The following NUFIP1 variants were observed in gnomAD, a reference collection of about 807,000 sequenced individuals.
NUFIP1 encodes the protein nuclear FMR1 interacting protein 1, also known as FMR1-interacting protein NUFIP1.
NUFIP1 carries 38 observed loss-of-function variants against 56.2 expected under a neutral mutation model. The observed-to-expected ratio is 0.68, with a 90% CI of 0.52 to 0.89. The LOEUF is 0.89. Among genes scored for constraint, NUFIP1 ranks in the 40% least tolerant of loss-of-function variants. The pLI, the probability that NUFIP1 is intolerant of heterozygous loss-of-function variation, is 0.00. For missense variants in NUFIP1, 567 were observed against 605.8 expected (o/e 0.94, Z 0.67); for synonymous variants, 215 against 212.4 (o/e 1.01, Z -0.10).
Position 44,942,111 on chromosome 13 carries a change from G to A in NUFIP1, c.1372-789C>T, listed in dbSNP as rs142318664. ...TTCTTTAATCTAAAATTATGTCAAA[G>A]AGGATTGCCCAAACCCAAATTCATA... On this transcript the variant is annotated intron_variant, in intron 9 of 9. Coordinates refer to ENST00000379161, the MANE Select transcript of NUFIP1 (RefSeq NM_012345.3). Among the ~76,000 whole-genome samples, 856 of 152,286 alleles carry A rather than the reference G, an allele frequency of 5.6e-3. 6 individuals are homozygous for A. The highest frequency in any genetic ancestry group is 0.019 in the African/African-American group (798 of 41,574).
chr13:44,958,486 C>T (rs536081446), intron 7 of NUFIP1, among the ~76,000 whole-genome samples: 17 of 151,998 alleles, frequency 1.1e-4, no homozygotes, highest in Non-Finnish European at 1.9e-4. Context: ...CCTAATGTTC[C>T]CTTATGCAAT....
chr13:44,977,122 T>C (rs368348030), intron 5 of NUFIP1, among the ~76,000 whole-genome samples: 2 of 152,228 alleles, frequency 1.3e-5, no homozygotes, highest in African/African-American at 2.4e-5. Flanking sequence ...AAGGCTCCCT[T>C]ATCACTGCCA....
intron 7 of NUFIP1, among the ~76,000 whole-genome samples, chr13:44,952,568 T>A (rs964482943): frequency 1.4e-4 from 21 of 152,222 alleles, no homozygotes; most frequent in African/African-American, 4.8e-4. Flanking sequence ...CCCTCCTCCC[T>A]TCTTTTTTAA....
chr13:44,951,790 C>A (rs567125683), intron 7 of NUFIP1, among the ~76,000 whole-genome samples: 1 of 152,302 alleles, frequency 6.6e-6, no homozygotes, highest in South Asian at 2.1e-4. Context: ...TGTGCAATAG[C>A]ATTATGTCTT....
At chr13:44,982,000 T>C (rs1356003919) in intron 2 of NUFIP1, 72 bp downstream of exon 2, 13 of 751,386 alleles carry the variant, frequency 1.7e-5, no homozygotes, top group Non-Finnish European at 2.4e-5. Context: ...AAGACAGTTA[T>C]GACAGAAATG....
intron 5 of NUFIP1, among the ~76,000 whole-genome samples, chr13:44,976,813 C>T (rs1871997763): frequency 6.6e-6 from 1 of 152,264 alleles, no homozygotes; most frequent in South Asian, 2.1e-4. Flanking sequence ...AGCAGAGGGG[C>T]AAGGGGGCTC....
intron 7 of NUFIP1, among the ~76,000 whole-genome samples, chr13:44,955,929 G>A (rs868568327): frequency 6.6e-6 from 1 of 151,666 alleles, no homozygotes. Flanking sequence ...GGATCACGAG[G>A]TCAGGAGATC....
intron 3 of NUFIP1, 137 bp from the exon 4 acceptor site, chr13:44,980,089 A>C: frequency 1.8e-6 from 1 of 563,812 alleles, no homozygotes. Context: ...TCTGCATACA[A>C]AAATGACTCC....
At chr13:44,969,277 T>A (rs923067745) in intron 5 of NUFIP1, among the ~76,000 whole-genome samples, 5 of 151,688 alleles carry the variant, frequency 3.3e-5, no homozygotes, top group Admixed American at 6.6e-5. Flanking sequence ...CAAGACCTAA[T>A]TACACACATA....
chr13:44,946,851 G>A (rs1288329749), intron 8 of NUFIP1, among the ~76,000 whole-genome samples: 1 of 152,122 alleles, frequency 6.6e-6, no homozygotes, highest in East Asian at 1.9e-4. Flanking sequence ...AACTCCCTAT[G>A]TGTCAATATC....
chr13:44,978,728 A>T (rs1364600082), intron 5 of NUFIP1, among the ~76,000 whole-genome samples: 1 of 152,224 alleles, frequency 6.6e-6, no homozygotes, highest in Non-Finnish European at 1.5e-5. Context: ...GGATGAAAAC[A>T]AGAAGAACTA....
chr13:44,968,562 T>C (rs940799827), intron 5 of NUFIP1, among the ~76,000 whole-genome samples: 1 of 152,148 alleles, frequency 6.6e-6, no homozygotes. Context: ...ACAGAGAGGA[T>C]GGTCCAGTTG....
intron 6 of NUFIP1, among the ~76,000 whole-genome samples, chr13:44,960,846 T>A (rs1422191096): frequency 6.6e-6 from 1 of 151,996 alleles, no homozygotes; most frequent in African/African-American, 2.4e-5. Context: ...GCGGATCACT[T>A]GAGCTCAGGA....
chr13:44,980,030 G>A lies in NUFIP1; in HGVS notation c.595-78C>T. On this transcript the variant is annotated intron_variant, in intron 3 of 9. Transcript: ENST00000379161. ...AAATTTACCCCACTATACATACACA[G>A]ACATATTCTGGCTGTATTACATAGT... 5.0e-6 allele frequency: 5 copies of A among 1,004,434 alleles called. No homozygotes were observed. The South Asian group carries it at 7.6e-5, about 15-fold the overall frequency. 62.2% of individuals were successfully genotyped at this position (1,004,434 alleles called of 1,614,324 possible). A position where few individuals can be genotyped will look rare whatever the true frequency, so the allele number is the denominator to read the frequency against.
In NUFIP1 at chr13:44,941,004, C is replaced by T; in HGVS notation, c.*202G>A. ...AATACTAGATTCAATCCCAACAATA[C>T]AGACACAGTCTTAAAAAATCAGTTA... is the stretch of plus-strand genomic sequence containing the variant. On this transcript the variant is annotated 3_prime_UTR_variant, in exon 10 of 10. Coordinates refer to ENST00000379161, the MANE Select transcript of NUFIP1 (RefSeq NM_012345.3). 2 of 434,624 alleles carry T rather than the reference C, an allele frequency of 4.6e-6. No homozygotes were observed. The highest frequency in any genetic ancestry group is 3.7e-5 in the East Asian group (1 of 26,858). 26.9% of individuals were successfully genotyped at this position (434,624 alleles called of 1,614,324 possible). A position where few individuals can be genotyped will look rare whatever the true frequency, so the allele number is the denominator to read the frequency against.
rs191262615 is a variant in NUFIP1, at chr13:44,989,188, G to A, written c.249C>T (p.Ala83=). ...SLPGAPPPFD[A]QILPGAQPPF... ...GGGGTTGCGCCCCGGGAAGAATCTGGGCGTCGAAGGGGGGCGGAGCCCCGG... is the reference window on the plus strand; with the variant it reads ...GGGGTTGCGCCCCGGGAAGAATCTGAGCGTCGAAGGGGGGCGGAGCCCCGG... The change falls in exon 1 of 10, where the codon GCC becomes GCT. Residue 83 remains alanine, a synonymous_variant. Coordinates refer to ENST00000379161, the MANE Select transcript of NUFIP1 (RefSeq NM_012345.3). 1.9e-5 allele frequency: 30 copies of A among 1,612,188 alleles called. No individual in the cohort carries two copies. The East Asian group carries it at 2.7e-4, about 14-fold the overall frequency.
intron 8 of NUFIP1, among the ~76,000 whole-genome samples, chr13:44,946,014 C>G (rs1362848462): frequency 6.6e-6 from 1 of 152,090 alleles, no homozygotes; most frequent in Admixed American, 6.5e-5. Flanking sequence ...CATTTACTAG[C>G]TGTGTGACCT....
chr13:44,976,656 T>C (rs1871991732), intron 5 of NUFIP1, among the ~76,000 whole-genome samples: 1 of 152,204 alleles, frequency 6.6e-6, no homozygotes, highest in African/African-American at 2.4e-5. Flanking sequence ...TGCTTCAAAA[T>C]TCCTATGTCA....
intron 5 of NUFIP1, among the ~76,000 whole-genome samples, chr13:44,968,852 T>C (rs1193001039): frequency 6.6e-6 from 1 of 152,190 alleles, no homozygotes; most frequent in Non-Finnish European, 1.5e-5. Flanking sequence ...AATTTAAACT[T>C]GTTATAGCAA....
Sources: allele counts gnomAD v4.1 joint callset (sites outside exome capture counted in the v4.1 genomes callset), GRCh38; gene constraint gnomAD v4.1.1; transcripts MANE v1.5; gene names NCBI Gene and HGNC (gene_info 2026-07-23, HGNC 2026-07-21).